The following CACNA1D variants were observed in gnomAD, a reference collection of about 807,000 sequenced individuals.
CACNA1D encodes voltage-dependent L-type calcium channel subunit alpha-1D.
CACNA1D carries 55 observed loss-of-function variants against 257.1 expected under a neutral mutation model. The observed-to-expected ratio is 0.21, with a 90% confidence interval of 0.17 to 0.27. The LOEUF is 0.27. CACNA1D is among the 10% of genes least tolerant of loss of function. The probability of loss-of-function intolerance (pLI) is 1.00; values close to 1 mark genes in which losing one functional copy is unlikely to be tolerated. For missense variants in CACNA1D, 1,876 were observed against 2,784.0 expected, an observed-to-expected ratio of 0.67 and a Z score of 7.34; for synonymous variants, 980 against 1,014.9, an observed-to-expected ratio of 0.97 and a Z score of 0.65.
intron 3 of CACNA1D, among the ~76,000 whole-genome samples, chr3:53,566,238 C>T (rs1274687519): frequency 2.0e-5 from 3 of 152,172 alleles, no homozygotes; most frequent in Non-Finnish European, 4.4e-5. Context: ...CTGCCAGTGC[C>T]TGCTGCCCCT....
chr3:53,693,191 C>G (rs2094543620), intron 8 of CACNA1D, among the ~76,000 whole-genome samples: 1 of 152,214 alleles, frequency 6.6e-6, no homozygotes, highest in African/African-American at 2.4e-5. Context: ...ATGACTGCTG[C>G]TGGAGAATGC....
At chr3:53,651,388 T>TTTTTTTTTTTTTTTTTTTTCTTTTGG (rs869307902) in intron 4 of CACNA1D, among the ~76,000 whole-genome samples, 1 of 140,286 alleles carries the variant, frequency 7.1e-6, no homozygotes, top group African/African-American at 3.1e-5. Flanking sequence ...TTTTTTTTTT[T>TTTTTTTTTTTTTTTTTTTTCTTTTGG]GCTGACTTGC....
At chr3:53,574,229 G>A (rs1415690248) in intron 3 of CACNA1D, among the ~76,000 whole-genome samples, 3 of 152,180 alleles carry the variant, frequency 2.0e-5, no homozygotes, top group Non-Finnish European at 4.4e-5. Flanking sequence ...GCTCACACAG[G>A]CACCATGTGT....
intron 28 of CACNA1D, 124 bp downstream of exon 28, chr3:53,752,031 A>G (rs1001217394): frequency 4.3e-6 from 4 of 939,084 alleles, no homozygotes; most frequent in South Asian, 2.6e-5. Flanking sequence ...AGTCTGGGCT[A>G]TAGGTTGGCC....
At chr3:53,676,294 C>T (rs1236517102) in intron 8 of CACNA1D, among the ~76,000 whole-genome samples, 1 of 152,116 alleles carries the variant, frequency 6.6e-6, no homozygotes, top group South Asian at 2.1e-4. Context: ...CCAACCACCA[C>T]CTTCCCTCTC....
chr3:53,773,844 A>G (rs1012674364), intron 33 of CACNA1D: 1 of 152,220 alleles, frequency 6.6e-6, no homozygotes, highest in Non-Finnish European at 1.5e-5. Flanking sequence ...AAAAAAAGCC[A>G]TCTCAGAACT....
intron 3 of CACNA1D, among the ~76,000 whole-genome samples, chr3:53,585,115 C>T (rs114805931): frequency 0.21 from 31,863 of 150,526 alleles, 3,480 homozygotes; most frequent in Middle Eastern, 0.29. Flanking sequence ...CATATTCACA[C>T]GCTTTGTCTC....
intron 21 of CACNA1D, 129 bp downstream of exon 21, chr3:53,740,468 T>C: frequency 1.3e-6 from 1 of 748,918 alleles, no homozygotes; most frequent in Non-Finnish European, 2.4e-6. Context: ...GCATTTGAGA[T>C]CATTTTAAAG....
chr3:53,599,801 G>A (rs2093418997), intron 3 of CACNA1D, among the ~76,000 whole-genome samples: 1 of 152,100 alleles, frequency 6.6e-6, no homozygotes, highest in Non-Finnish European at 1.5e-5. Context: ...TCCACCCACG[G>A]CTTTCTAGCA....
chr3:53,774,374 C>T lies in CACNA1D; in HGVS notation c.4111-213C>T, dbSNP rs1576626723. ...CAGGGGAGATCCGCGAATGTGAGACCGTGCCCCTCTGGAGCACCACGTTCC... is the reference window on the plus strand; with the variant it reads ...CAGGGGAGATCCGCGAATGTGAGACTGTGCCCCTCTGGAGCACCACGTTCC... On this transcript the variant is annotated intron_variant, in intron 33 of 47. Coordinates refer to ENST00000350061, the MANE Select transcript of CACNA1D (RefSeq NM_001128840.3). The surrounding 1 kb of genome is among the most constrained non-coding windows in gnomAD (Gnocchi z 4.3). 1.1e-5 allele frequency: 6 copies of T among 554,322 alleles called. No homozygotes were observed. The highest frequency in any genetic ancestry group is 2.0e-5 in the South Asian group (1 of 50,020). 34.3% of individuals were successfully genotyped at this position (554,322 alleles called of 1,614,324 possible).
Position 53,745,966 on chromosome 3 carries a change from C to A in CACNA1D, c.3167+91C>A. On this transcript the variant is annotated intron_variant, in intron 25 of 47. Transcript: ENST00000350061. ...ATGTTGGCACGTCAGAAGTTTTGGTCGTGAAATAAAATAGGCCTGTGTGCT... is the reference window on the plus strand; with the variant it reads ...ATGTTGGCACGTCAGAAGTTTTGGTAGTGAAATAAAATAGGCCTGTGTGCT... 2.9e-6 allele frequency: 3 copies of A among 1,031,134 alleles called. No individual in the cohort carries two copies. In the South Asian group the frequency reaches 4.0e-5, roughly 14 times the overall value. 63.9% of individuals were successfully genotyped at this position (1,031,134 alleles called of 1,614,324 possible).
chr3:53,660,174 A>G lies in CACNA1D; in HGVS notation c.665A>G (p.Glu222Gly). The change falls in exon 5 of 48, where the codon GAA becomes GGA. Residue 222 changes from glutamate to glycine, a missense_variant. Glu to Gly is a moderately conservative substitution (Grantham distance 98). This residue lies in a region of CACNA1D where 188 missense variants were observed against 390.4 expected (regional missense o/e 0.48). Transcript: ENST00000350061. ...VILEQLTKET[E>G]GGNHSSGKSG... ...TTGGAACAATTAACCAAAGAAACAGAAGGCGGGAACCACTCAAGCGGCAAA... is the reference window on the plus strand; with the variant it reads ...TTGGAACAATTAACCAAAGAAACAGGAGGCGGGAACCACTCAAGCGGCAAA... 1 of 1,614,014 alleles carries G rather than the reference A, an allele frequency of 6.2e-7. No homozygotes were observed. The highest frequency in any genetic ancestry group is 8.5e-7 in the Non-Finnish European group (1 of 1,179,876).
intron 3 of CACNA1D, among the ~76,000 whole-genome samples, chr3:53,517,696 C>T (rs563207515): frequency 6.6e-6 from 1 of 152,212 alleles, no homozygotes; most frequent in Non-Finnish European, 1.5e-5. Flanking sequence ...ATTGGCCAGG[C>T]TGGTCTCAAA....
chr3:53,551,006 T>C (rs1382364333), intron 3 of CACNA1D, among the ~76,000 whole-genome samples: 2 of 152,194 alleles, frequency 1.3e-5, no homozygotes, highest in Admixed American at 6.5e-5. Context: ...CCTAACTGTT[T>C]GCCAAATTTT....
intron 45 of CACNA1D, among the ~76,000 whole-genome samples, chr3:53,805,483 A>T (rs980124790): frequency 2.0e-5 from 3 of 152,188 alleles, no homozygotes; most frequent in African/African-American, 7.2e-5. Context: ...GAGGCAAACC[A>T]CACACATGCT....
At chr3:53,760,644 A>G (rs1381307146) in intron 29 of CACNA1D, among the ~76,000 whole-genome samples, 5 of 152,196 alleles carry the variant, frequency 3.3e-5, no homozygotes, top group South Asian at 4.1e-4. Flanking sequence ...GACCACAGGC[A>G]CTCATTTAGC....
intron 39 of CACNA1D, among the ~76,000 whole-genome samples, chr3:53,783,852 T>C (rs1406499572): frequency 6.6e-6 from 1 of 152,198 alleles, no homozygotes; most frequent in East Asian, 1.9e-4. Context: ...GATGTGGAGT[T>C]CTTGAGGCTG....
At chr3:53,639,800 A>T (rs1485198303) in intron 3 of CACNA1D, among the ~76,000 whole-genome samples, 1 of 152,008 alleles carries the variant, frequency 6.6e-6, no homozygotes, top group Non-Finnish European at 1.5e-5. Flanking sequence ...TCAAAATGAA[A>T]GTGTTCAGTT....
At chr3:53,785,338 T>C (rs2095447085) in intron 39 of CACNA1D, among the ~76,000 whole-genome samples, 1 of 151,944 alleles carries the variant, frequency 6.6e-6, no homozygotes, top group South Asian at 2.1e-4. Flanking sequence ...TTAGCTTAGG[T>C]TTAGAAGGAA....
Sources: allele counts gnomAD v4.1 joint callset (sites outside exome capture counted in the v4.1 genomes callset), GRCh38; gene constraint gnomAD v4.1.1; regional missense constraint gnomAD v4.1.1; non-coding constraint Gnocchi (gnomAD v3.1); transcripts MANE v1.5; gene names NCBI Gene and HGNC (gene_info 2026-07-23, HGNC 2026-07-21).